ANLN: variants seen among roughly 807,000 people sequenced by gnomAD.
ANLN encodes anillin.
Under a neutral mutation model 135.1 loss-of-function variants are expected in ANLN, and 59 were observed. That is an observed-to-expected ratio of 0.44 (90% CI 0.35 to 0.54). The LOEUF is 0.54. ANLN is among the 20% of genes least tolerant of loss of function. The probability of loss-of-function intolerance (pLI) is 0.00; values close to 1 mark genes in which losing one functional copy is unlikely to be tolerated. For synonymous variants in ANLN, 406 were observed against 456.4 expected (o/e 0.89, Z 1.41); for missense variants, 1,182 against 1,340.0 (o/e 0.88, Z 1.84).
chr7:36,422,651 T>C lies in ANLN; in HGVS notation c.2318T>C (p.Leu773Ser). The change falls in exon 14 of 24, where the codon TTG becomes TCG. Residue 773 changes from leucine (L) to serine (S), a missense_variant. Around this residue, in one of 3 missense-constraint regions of ANLN, gnomAD observed 1,022 missense variants for 1,134.0 expected, o/e 0.90. Coordinates refer to ENST00000265748, the MANE Select transcript of ANLN (RefSeq NM_018685.5). ...TACATAGCTGGGAAGAGAACACTTT[T>C]GATTGATGAATTGAATAAATTGAAG... is the stretch of plus-strand genomic sequence containing the variant. ...LLIATGKRTL[L>S]IDELNKLKNE... 3.1e-6 allele frequency: 5 copies of C among 1,607,152 alleles called. No homozygotes were observed. The highest frequency in any genetic ancestry group is 1.1e-5 in the South Asian group (1 of 89,538).
chr7:36,410,189 T>C (rs1787351163), intron 5 of ANLN, among the ~76,000 whole-genome samples: 1 of 152,204 alleles, frequency 6.6e-6, no homozygotes, highest in Non-Finnish European at 1.5e-5. Flanking sequence ...TTAATATACA[T>C]ACAGTCAATT....
In ANLN at chr7:36,401,725, C is replaced by T. The variant is rs550533038; in HGVS notation, c.487+2332C>T. Among the ~76,000 whole-genome samples the T allele has an allele frequency of 3.4e-5, 4 of 118,588 alleles. 1 individual carries two copies. The highest frequency in any genetic ancestry group is 2.2e-4 in the East Asian group (1 of 4,604). The allele number at this position is 118,588 out of a possible 152,430, so 77.8% of individuals were successfully genotyped here. On this transcript the variant is annotated intron_variant, in intron 3 of 23. Transcript: ENST00000265748. ...CAGTGGTGAGGTAAGAGGTAGGACTCGACTCCAGATGCGGGACTTGGACAC... is the reference window on the plus strand; with the variant it reads ...CAGTGGTGAGGTAAGAGGTAGGACTTGACTCCAGATGCGGGACTTGGACAC...
rs376921022 is a variant in ANLN, at chr7:36,439,161, C to A, written c.2884-43C>A. The A allele has an allele frequency of 5.2e-5, 58 of 1,124,838 alleles. No homozygotes were observed. In the African/African-American group the frequency reaches 8.7e-4, roughly 17 times the overall value. 69.7% of individuals were successfully genotyped at this position (1,124,838 alleles called of 1,614,324 possible). On this transcript the variant is annotated intron_variant, in intron 20 of 23. Coordinates refer to ENST00000265748, the MANE Select transcript of ANLN (RefSeq NM_018685.5). Reference sequence around the variant, plus strand: ...ACATGATTTATCAAGAAAAATCACACTTTGAACCTGTTTTGCAAATAATTT... The same window carrying A: ...ACATGATTTATCAAGAAAAATCACAATTTGAACCTGTTTTGCAAATAATTT...
Position 36,419,272 on chromosome 7 carries a change from GGAT to G in ANLN, c.1672_1674del (p.Asp558del), listed in dbSNP as rs1438179596. ...TGATACGTGAAATTGAGATGAGTGTGGATGATGATGATATCAATAGTTCGAAAG... is the reference window on the plus strand; with the variant it reads ...TGATACGTGAAATTGAGATGAGTGTGGATGATGATATCAATAGTTCGAAAG... On this transcript the variant is annotated inframe_deletion, in exon 10 of 24. Coordinates refer to ENST00000265748, the MANE Select transcript of ANLN (RefSeq NM_018685.5). 4 of 1,613,572 alleles carry G rather than the reference GGAT, an allele frequency of 2.5e-6. No homozygotes were observed. Among genetic ancestry groups the G allele is most frequent in the African/African-American group, 1.3e-5 (1 of 74,878 alleles).
chr7:36,390,130 C>T (rs1184386887), intron 1 of ANLN, 86 bp downstream of exon 1: 3 of 1,600,512 alleles, frequency 1.9e-6, no homozygotes, highest in Non-Finnish European at 2.6e-6. Context: ...GGGCGAACCC[C>T]CACCGGGCGG....
At chr7:36,443,492 G>A (rs1165996309) in intron 21 of ANLN, among the ~76,000 whole-genome samples, 1 of 151,598 alleles carries the variant, frequency 6.6e-6, no homozygotes, top group Non-Finnish European at 1.5e-5. Context: ...CTTTTTAAAA[G>A]TCTTAAAGTA....
chr7:36,453,140 A>C lies in ANLN; in HGVS notation c.*540A>C, dbSNP rs903425976. 2 of 152,526 alleles carry C rather than the reference A, an allele frequency of 1.3e-5. No homozygotes were observed. The highest frequency in any genetic ancestry group is 4.8e-5 in the African/African-American group (2 of 41,460). The allele number at this position is 152,526 out of a possible 1,614,324, so 9.4% of individuals were successfully genotyped here. On this transcript the variant is annotated 3_prime_UTR_variant, in exon 24 of 24. Coordinates refer to ENST00000265748, the MANE Select transcript of ANLN (RefSeq NM_018685.5). ...TAGCAAATATATATTGGCTTAAAGC[A>C]TGAGGCTGTCTTCAGAAAAGTGATG... is the stretch of plus-strand genomic sequence containing the variant.
intron 21 of ANLN, among the ~76,000 whole-genome samples, chr7:36,442,954 A>T (rs944720634): frequency 5.0e-5 from 7 of 141,092 alleles, no homozygotes; most frequent in Non-Finnish European, 9.4e-5. Context: ...TTTTTTTTTT[A>T]AATTAAAAGT....
At chr7:36,442,274 C>T (rs1413731385) in intron 21 of ANLN, among the ~76,000 whole-genome samples, 2 of 152,172 alleles carry the variant, frequency 1.3e-5, no homozygotes, top group Non-Finnish European at 2.9e-5. Flanking sequence ...CTTAGCTTCT[C>T]AACAATCAGA....
At chr7:36,447,634 G>A (rs1789068195) in intron 22 of ANLN, among the ~76,000 whole-genome samples, 1 of 151,902 alleles carries the variant, frequency 6.6e-6, no homozygotes. Context: ...CACCGTGTTA[G>A]CCAGGATGGT....
chr7:36,432,819 A>G (rs1788387560), intron 20 of ANLN, among the ~76,000 whole-genome samples: 1 of 152,138 alleles, frequency 6.6e-6, no homozygotes, highest in Non-Finnish European at 1.5e-5. Context: ...GAAATAATGT[A>G]TGCATCCTTA....
intron 22 of ANLN, among the ~76,000 whole-genome samples, chr7:36,445,161 C>CTTTTTTTTTTTTTTTTT (rs70977145): frequency 1.7e-5 from 1 of 57,822 alleles, no homozygotes; most frequent in African/African-American, 6.8e-5. Flanking sequence ...ATTTGGGATT[C>CTTTTTTTTTTTTTTTTT]TTTTTTTTTT....
At chr7:36,423,996 T>G in intron 15 of ANLN, 53 bp downstream of exon 15, 1 of 1,575,528 alleles carries the variant, frequency 6.3e-7, no homozygotes. Flanking sequence ...TTTGTAGAGT[T>G]GATACAGTCT....
chr7:36,425,346 G>A (rs985623755), intron 17 of ANLN, among the ~76,000 whole-genome samples: 13 of 145,906 alleles, frequency 8.9e-5, no homozygotes, highest in Middle Eastern at 3.7e-3. Context: ...CCAGACTGGA[G>A]TGCAGTGGCG....
At chr7:36,392,325 TAAG>T (rs778309285) in intron 1 of ANLN, among the ~76,000 whole-genome samples, 21 of 152,134 alleles carry the variant, frequency 1.4e-4, no homozygotes, top group Non-Finnish European at 2.1e-4. Context: ...TTGAAAATAA[TAAG>T]AAGTTAATTT....
rs1189688324 is a variant in ANLN, at chr7:36,396,319, TG to T, written c.73del (p.Glu25ArgfsTer10). On this transcript the variant is annotated frameshift_variant, in exon 2 of 24. Transcript: ENST00000265748. LOFTEE classifies it high-confidence loss of function. ...GAGAGAATCTTCAGAGAAAAATGGC[TG>T]AGAGGCCCACAGCAGCTCCAAGGTC... The part of the protein sequence containing the change: ...RRENLQRKMA[E>X]RPTAAPRSMT... 6.2e-7 allele frequency: 1 copy of T among 1,607,502 alleles called. No individual in the cohort carries two copies. Among genetic ancestry groups the T allele is most frequent in the South Asian group, 1.1e-5 (1 of 90,526 alleles).
intron 7 of ANLN, among the ~76,000 whole-genome samples, chr7:36,412,325 A>T (rs200365818): frequency 3.7e-4 from 41 of 109,600 alleles, no homozygotes; most frequent in African/African-American, 9.0e-4. Context: ...ATATATATAT[A>T]TATTTTTTTT....
intron 20 of ANLN, among the ~76,000 whole-genome samples, chr7:36,434,448 A>G (rs964975137): frequency 2.0e-5 from 3 of 152,190 alleles, no homozygotes; most frequent in Non-Finnish European, 2.9e-5. Context: ...CCTGGGCTCA[A>G]CCATTGAAGG....
Position 36,449,743 on chromosome 7 carries a change from C to G in ANLN, c.3157C>G (p.Arg1053Gly). Residue 1053 changes from arginine (R) to glycine (G), a missense_variant, in exon 23 of 24, where the codon CGC (arginine) becomes GGC (glycine). Physicochemically the swap from Arg to Gly is moderately radical, Grantham distance 125. This residue lies in a region of ANLN where 82 missense variants were observed against 133.3 expected (regional missense o/e 0.62). Transcript: ENST00000265748. ...AGCCAACAGAGAATTTTGTGCAAGA[C>G]GCAACACTTTTGAATTAATTACTGT... ...EPANREFCARRNTFELITVRP... is the reference protein window; with the variant it reads ...EPANREFCARGNTFELITVRP... 3 of 1,613,952 alleles carry G rather than the reference C, an allele frequency of 1.9e-6. No individual in the cohort carries two copies. Among genetic ancestry groups the G allele is most frequent in the Non-Finnish European group, 2.5e-6 (3 of 1,179,936 alleles).
Sources: allele counts gnomAD v4.1 joint callset (sites outside exome capture counted in the v4.1 genomes callset), GRCh38; gene constraint gnomAD v4.1.1; regional missense constraint gnomAD v4.1.1; transcripts MANE v1.5; gene names NCBI Gene and HGNC (gene_info 2026-07-23, HGNC 2026-07-21).